The following R3HDM1 variants were observed in gnomAD, a reference collection of about 807,000 sequenced individuals.
R3HDM1 encodes R3H domain containing 1.
R3HDM1 carries 46 observed loss-of-function variants against 141.1 expected under a neutral mutation model. That is an observed-to-expected ratio of 0.33 (90% CI 0.26 to 0.42). R3HDM1 has a LOEUF of 0.42. R3HDM1 is among the 10% of genes least tolerant of loss of function. R3HDM1 has a pLI of 1.00. For missense variants in R3HDM1, 1,184 were observed against 1,368.3 expected (o/e 0.87, Z 2.12); for synonymous variants, 435 against 472.9 (o/e 0.92, Z 1.04).
chr2:135,616,938 A>C (rs1345972920), intron 5 of R3HDM1, among the ~76,000 whole-genome samples, 181 bp downstream of exon 5: 3 of 152,236 alleles, frequency 2.0e-5, no homozygotes, highest in Non-Finnish European at 4.4e-5. Flanking sequence ...TCTAAGGCTT[A>C]GAGCAATTAT....
At chr2:135,619,823 C>T (rs1428294000) in intron 5 of R3HDM1, 1 of 606,930 alleles carries the variant, frequency 1.6e-6, no homozygotes, top group African/African-American at 2.0e-5. Context: ...AGAGATGTCA[C>T]TTGTATCTGA....
At chr2:135,584,885 T>TA (rs1707526955) in intron 1 of R3HDM1, among the ~76,000 whole-genome samples, 2 of 152,222 alleles carry the variant, frequency 1.3e-5, no homozygotes, top group African/African-American at 4.8e-5. Context: ...GAGTTTCTGT[T>TA]ACAGTTTTTA....
intron 21 of R3HDM1, among the ~76,000 whole-genome samples, chr2:135,692,506 C>T (rs1208678375): frequency 2.0e-5 from 3 of 152,162 alleles, no homozygotes; most frequent in East Asian, 1.9e-4. Context: ...GCAGGAGAAT[C>T]GCTTGAACCC....
At chr2:135,567,616 T>C (rs1157754017) in intron 1 of R3HDM1, among the ~76,000 whole-genome samples, 1 of 152,230 alleles carries the variant, frequency 6.6e-6, no homozygotes, top group South Asian at 2.1e-4. Context: ...TTAAAATCTT[T>C]AATTAAATAT....
chr2:135,720,226 C>T lies in R3HDM1; in HGVS notation c.2882-1698C>T, dbSNP rs1390635610. Among the ~76,000 whole-genome samples the T allele has an allele frequency of 2.0e-5, 3 of 152,320 alleles. No homozygotes were observed. In the East Asian group the frequency reaches 5.8e-4, roughly 29 times the overall value. ...AAACCCCCATGTCATATCTGCCCTT[C>T]CATCTATAGGTTGGGAAAGAGTATG... On this transcript the variant is annotated intron_variant, in intron 24 of 26. Transcript: ENST00000683871.
chr2:135,602,393 T>C (rs1334455534), intron 1 of R3HDM1, 107 bp from the exon 2 acceptor site: 1 of 777,284 alleles, frequency 1.3e-6, no homozygotes, highest in Non-Finnish European at 1.8e-6. Flanking sequence ...AGGAAAATAA[T>C]GTAATAAAAC....
intron 1 of R3HDM1, among the ~76,000 whole-genome samples, chr2:135,582,137 G>A (rs1194863860): frequency 6.6e-6 from 1 of 152,106 alleles, no homozygotes; most frequent in African/African-American, 2.4e-5. Flanking sequence ...TTACCAGCCT[G>A]GCTAACATGG....
intron 6 of R3HDM1, 87 bp downstream of exon 6, chr2:135,621,695 A>T: frequency 7.3e-7 from 1 of 1,373,718 alleles, no homozygotes. Context: ...TATATAGTAT[A>T]TCTTTATGTA....
At position 135,651,878 on chromosome 2, in the gene R3HDM1, C is replaced by A; in HGVS notation, c.1874C>A (p.Pro625Gln). Residue 625 changes from proline (P) to glutamine (Q), a missense_variant, in exon 18 of 27, where the codon CCA (proline) becomes CAA (glutamine). Pro to Gln is a moderately conservative substitution (Grantham distance 76). This residue lies in a region of R3HDM1 where 563 missense variants were observed against 562.0 expected (regional missense o/e 1.00). Transcript: ENST00000683871. ...GGTTATATCATGACAGCAGCCCCTC[C>A]ACCACATCCTCCTCCACCGCCACCA... ...QSGYIMTAAP[P>Q]PHPPPPPPPP... The A allele has an allele frequency of 6.2e-7, 1 of 1,614,036 alleles. No homozygotes were observed. The highest frequency in any genetic ancestry group is 8.5e-7 in the Non-Finnish European group (1 of 1,180,002).
chr2:135,554,572 G>C (rs1250237209), intron 1 of R3HDM1, among the ~76,000 whole-genome samples: 3 of 152,144 alleles, frequency 2.0e-5, no homozygotes, highest in Non-Finnish European at 4.4e-5. Context: ...TTAACCTTTT[G>C]AGAAACTGCC....
intron 1 of R3HDM1, among the ~76,000 whole-genome samples, chr2:135,549,548 C>T (rs914788588): frequency 2.4e-5 from 3 of 124,558 alleles, no homozygotes; most frequent in Non-Finnish European, 4.7e-5. Context: ...GTGACAAGAG[C>T]GAAACTCTGC....
At chr2:135,705,361 A>G (rs2074766370) in intron 21 of R3HDM1, among the ~76,000 whole-genome samples, 1 of 152,240 alleles carries the variant, frequency 6.6e-6, no homozygotes, top group African/African-American at 2.4e-5. Flanking sequence ...CTCCCTTCTG[A>G]CACCCAAATA....
intron 24 of R3HDM1, chr2:135,721,693 T>C (rs2076711666): frequency 2.6e-6 from 1 of 378,944 alleles, no homozygotes; most frequent in Non-Finnish European, 5.0e-6. Flanking sequence ...GTTCAAGCAG[T>C]TCTCATGCCT....
intron 21 of R3HDM1, among the ~76,000 whole-genome samples, chr2:135,706,952 G>A (rs1348383622): frequency 2.0e-5 from 3 of 152,006 alleles, no homozygotes; most frequent in South Asian, 2.1e-4. Flanking sequence ...CAGTAGGGGC[G>A]GCCGGGCAGA....
At chr2:135,598,449 C>G (rs1267727591) in intron 1 of R3HDM1, among the ~76,000 whole-genome samples, 1 of 152,130 alleles carries the variant, frequency 6.6e-6, no homozygotes, top group African/African-American at 2.4e-5. Flanking sequence ...GTTACCATGT[C>G]ATAATTACTC....
chr2:135,604,008 A>C (rs2059841327), intron 2 of R3HDM1, among the ~76,000 whole-genome samples: 1 of 152,206 alleles, frequency 6.6e-6, no homozygotes, highest in Non-Finnish European at 1.5e-5. Context: ...TGATTTTCTT[A>C]AACTCACTAA....
intron 18 of R3HDM1, among the ~76,000 whole-genome samples, chr2:135,654,123 A>G (rs916885986): frequency 3.3e-5 from 5 of 152,160 alleles, no homozygotes; most frequent in South Asian, 2.1e-4. Flanking sequence ...GGCAGTTGCT[A>G]CTTGTTCCTC....
intron 5 of R3HDM1, chr2:135,620,608 G>A (rs1191386928): frequency 1.0e-6 from 1 of 981,528 alleles, no homozygotes; most frequent in East Asian, 1.1e-4. Flanking sequence ...GTGTCTGATT[G>A]ATGGTTTTCT....
At chr2:135,699,095 A>ATAGATAGATAGATAGAT (rs1184734241) in intron 21 of R3HDM1, among the ~76,000 whole-genome samples, 2 of 151,816 alleles carry the variant, frequency 1.3e-5, no homozygotes, top group African/African-American at 4.8e-5. Context: ...AGATAGATAG[A>ATAGATAGATAGATAGAT]TAGATAGATT....
Sources: allele counts gnomAD v4.1 joint callset (sites outside exome capture counted in the v4.1 genomes callset), GRCh38; gene constraint gnomAD v4.1.1; regional missense constraint gnomAD v4.1.1; transcripts MANE v1.5; gene names NCBI Gene and HGNC (gene_info 2026-07-23, HGNC 2026-07-21).